Variants in HHAT observed in about 807,000 individuals in gnomAD.
HHAT encodes protein-cysteine N-palmitoyltransferase HHAT.
Under a neutral mutation model 70.8 loss-of-function variants are expected in HHAT, and 47 were observed. That is an observed-to-expected ratio of 0.66 (90% CI 0.53 to 0.85). The LOEUF is 0.85. HHAT is among the 40% of genes least tolerant of loss of function. The pLI is 0.00. For missense variants in HHAT, 609 were observed against 604.8 expected, an observed-to-expected ratio of 1.01 and a Z score of -0.07; for synonymous variants, 228 against 247.6, an observed-to-expected ratio of 0.92 and a Z score of 0.74.
intron 11 of HHAT, among the ~76,000 whole-genome samples, chr1:210,633,926 C>T (rs776443382): frequency 6.6e-6 from 1 of 152,162 alleles, no homozygotes; most frequent in Non-Finnish European, 1.5e-5. Flanking sequence ...GAGAAGGAGG[C>T]AGCTGCTAAT....
chr1:210,424,598 C>A (rs1319853505), intron 7 of HHAT, among the ~76,000 whole-genome samples: 1 of 151,696 alleles, frequency 6.6e-6, no homozygotes, highest in Non-Finnish European at 1.5e-5. Flanking sequence ...TCCTCCCACC[C>A]TCCACCCCGT....
chr1:210,667,379 T>C (rs1221325991), intron 11 of HHAT, among the ~76,000 whole-genome samples: 1 of 114,192 alleles, frequency 8.8e-6, no homozygotes, highest in Non-Finnish European at 2.0e-5. Context: ...TGAAACTCCG[T>C]CAATAAATAA....
chr1:210,569,745 C>T (rs1655768820), intron 9 of HHAT, among the ~76,000 whole-genome samples: 1 of 152,128 alleles, frequency 6.6e-6, no homozygotes, highest in African/African-American at 2.4e-5. Context: ...ATGCACCTGT[C>T]CCTGGGAGCC....
intron 7 of HHAT, among the ~76,000 whole-genome samples, chr1:210,430,693 G>A (rs916035579): frequency 9.9e-5 from 15 of 151,782 alleles, no homozygotes; most frequent in Admixed American, 6.6e-5. Context: ...CTCTTAGGGT[G>A]GAGGTATACT....
intron 8 of HHAT, among the ~76,000 whole-genome samples, chr1:210,492,807 C>T (rs2094572263): frequency 2.0e-5 from 3 of 152,240 alleles, no homozygotes; most frequent in South Asian, 4.1e-4. Context: ...TATAGCAAAA[C>T]TCTGCACCAA....
chr1:210,339,665 G>T (rs1175478900), intron 1 of HHAT, among the ~76,000 whole-genome samples: 1 of 152,128 alleles, frequency 6.6e-6, no homozygotes, highest in Non-Finnish European at 1.5e-5. Context: ...TGTGCATGAG[G>T]TCATCATGGC....
At chr1:210,613,824 C>T (rs1667091653) in intron 10 of HHAT, among the ~76,000 whole-genome samples, 1 of 151,562 alleles carries the variant, frequency 6.6e-6, no homozygotes, top group Non-Finnish European at 1.5e-5. Flanking sequence ...TTGAGACCTG[C>T]CTGGGCAGCA....
intron 9 of HHAT, among the ~76,000 whole-genome samples, chr1:210,526,415 T>C (rs552523633): frequency 2.0e-5 from 3 of 147,140 alleles, no homozygotes; most frequent in Admixed American, 6.8e-5. Flanking sequence ...CTGATGGACA[T>C]TGGAGATACC....
intron 7 of HHAT, among the ~76,000 whole-genome samples, chr1:210,428,216 T>C (rs2093128192): frequency 6.7e-6 from 1 of 148,766 alleles, no homozygotes; most frequent in African/African-American, 2.5e-5. Flanking sequence ...TCAATACTTG[T>C]CCTTCCACAT....
At chr1:210,546,750 A>T (rs1573217319) in intron 9 of HHAT, among the ~76,000 whole-genome samples, 1 of 152,224 alleles carries the variant, frequency 6.6e-6, no homozygotes. Flanking sequence ...GGTTGCAGTG[A>T]CCTGGGCTAT....
At chr1:210,492,190 T>G (rs1400364706) in intron 8 of HHAT, among the ~76,000 whole-genome samples, 1 of 152,184 alleles carries the variant, frequency 6.6e-6, no homozygotes, top group Non-Finnish European at 1.5e-5. Context: ...AAAGTTCAGC[T>G]TAGGTCAAGA....
chr1:210,446,139 G>C (rs995996167), intron 7 of HHAT, among the ~76,000 whole-genome samples: 4 of 152,120 alleles, frequency 2.6e-5, no homozygotes, highest in Admixed American at 1.3e-4. Context: ...GGTGGGCGAG[G>C]GTGTGGAACT....
intron 8 of HHAT, among the ~76,000 whole-genome samples, chr1:210,492,165 T>C (rs2094562490): frequency 1.3e-5 from 2 of 152,130 alleles, no homozygotes; most frequent in Admixed American, 1.3e-4. Context: ...TCCCACTAAC[T>C]CTTTCTTAAC....
chr1:210,509,124 C>A (rs182121569), intron 8 of HHAT, among the ~76,000 whole-genome samples: 20 of 152,318 alleles, frequency 1.3e-4, no homozygotes, highest in African/African-American at 4.6e-4. Context: ...TTTGCACCAA[C>A]TGAATAACTG....
At chr1:210,373,012 A>G (rs1159276929) in intron 3 of HHAT, among the ~76,000 whole-genome samples, 3 of 152,204 alleles carry the variant, frequency 2.0e-5, no homozygotes, top group African/African-American at 7.2e-5. Flanking sequence ...GTGCAGCTTT[A>G]GGTACCATGT....
At chr1:210,398,012 T>C (rs1394818228) in intron 4 of HHAT, among the ~76,000 whole-genome samples, 1 of 152,242 alleles carries the variant, frequency 6.6e-6, no homozygotes, top group Non-Finnish European at 1.5e-5. Flanking sequence ...TTGTTACTTA[T>C]TTTGAGATGG....
intron 11 of HHAT, among the ~76,000 whole-genome samples, chr1:210,642,487 C>A (rs1673172486): frequency 6.6e-6 from 1 of 152,186 alleles, no homozygotes; most frequent in African/African-American, 2.4e-5. Flanking sequence ...GCATGAGGAA[C>A]CTAGTGGCCT....
At chr1:210,666,195 G>A (rs1413667904) in intron 11 of HHAT, among the ~76,000 whole-genome samples, 3 of 152,196 alleles carry the variant, frequency 2.0e-5, no homozygotes, top group Non-Finnish European at 2.9e-5. Flanking sequence ...AGCCTCTGAT[G>A]GGGTAATTGA....
intron 8 of HHAT, among the ~76,000 whole-genome samples, chr1:210,467,291 G>GA (rs975433116): frequency 3.0e-4 from 45 of 151,688 alleles, no homozygotes; most frequent in African/African-American, 8.7e-4. Flanking sequence ...TTTTTTAATT[G>GA]AAAAAAAAGA....
Sources: allele counts gnomAD v4.1 joint callset (sites outside exome capture counted in the v4.1 genomes callset), GRCh38; gene constraint gnomAD v4.1.1; transcripts MANE v1.5; gene names NCBI Gene and HGNC (gene_info 2026-07-23, HGNC 2026-07-21).